Variants in ITPR1 observed in about 807,000 individuals in gnomAD.
ITPR1 encodes inositol 1,4,5-trisphosphate receptor type 1.
A neutral mutation model predicts 318.4 loss-of-function variants in ITPR1; 96 were observed. That is an observed-to-expected ratio of 0.30 (90% confidence interval 0.26 to 0.36). The LOEUF (loss-of-function observed/expected upper bound fraction) is 0.36. Among genes scored for constraint, ITPR1 ranks in the 10% least tolerant of loss-of-function variants. ITPR1 has a pLI of 1.00. For synonymous variants in ITPR1, 1,312 were observed against 1,289.9 expected (o/e 1.02, Z -0.37); for missense variants, 2,440 against 3,460.2 (o/e 0.71, Z 7.40).
chr3:4,732,944 T>G, intron 42 of ITPR1, 144 bp from the exon 43 acceptor site: 1 of 821,512 alleles, frequency 1.2e-6, no homozygotes, highest in Non-Finnish European at 2.0e-6. Flanking sequence ...CTTCAGAGTT[T>G]CTAAATGCTT....
In ITPR1 at chr3:4,642,164, C is replaced by T. The variant is rs61741506; in HGVS notation, c.438C>T (p.Ala146=). 2.0e-3 allele frequency: 3,193 copies of T among 1,608,226 alleles called. 53 individuals are homozygous for T. In the African/African-American group the frequency reaches 0.037, roughly 19 times the overall value. The change falls in exon 7 of 62, where the codon GCC becomes GCT. Residue 146 remains alanine (A), a synonymous_variant. Coordinates refer to ENST00000649015, the MANE Select transcript of ITPR1 (RefSeq NM_001378452.1). ...TTCCTGCTCTGTTGGAGAAGAATGC[C>T]ATGAGAGTCACATTGGACGAGGCTG... ...KRLPALLEKN[A]MRVTLDEAGN...
At chr3:4,569,885 A>G (rs1237292590) in intron 4 of ITPR1, among the ~76,000 whole-genome samples, 2 of 152,240 alleles carry the variant, frequency 1.3e-5, no homozygotes, top group African/African-American at 4.8e-5. Context: ...TTGAATGGCT[A>G]TTAAAGACCT....
intron 19 of ITPR1, 114 bp from the exon 20 acceptor site, chr3:4,670,615 G>A (rs1019482575): frequency 1.0e-5 from 8 of 767,576 alleles, no homozygotes; most frequent in South Asian, 1.6e-5. Flanking sequence ...CTCTGCCCTT[G>A]GGGGAAATAC....
intron 4 of ITPR1, among the ~76,000 whole-genome samples, chr3:4,561,423 A>G (rs1042629687): frequency 6.6e-6 from 1 of 152,180 alleles, no homozygotes. Context: ...CCAGCTTTCC[A>G]GCTTTTTTCT....
chr3:4,733,379 G>A (rs949760777), intron 43 of ITPR1, among the ~76,000 whole-genome samples, 159 bp downstream of exon 43: 2 of 152,098 alleles, frequency 1.3e-5, no homozygotes, highest in Non-Finnish European at 2.9e-5. Flanking sequence ...CCATCAAATT[G>A]ATGCCTAAAC....
intron 12 of ITPR1, among the ~76,000 whole-genome samples, chr3:4,655,262 A>T (rs890686807): frequency 6.6e-6 from 1 of 152,050 alleles, no homozygotes; most frequent in Non-Finnish European, 1.5e-5. Flanking sequence ...ACATGGAGGA[A>T]ATCTTACCTC....
chr3:4,804,347 G>A (rs564384560), intron 54 of ITPR1, among the ~76,000 whole-genome samples: 3 of 152,300 alleles, frequency 2.0e-5, no homozygotes, highest in South Asian at 4.1e-4. Context: ...GACTTGTCAC[G>A]CCGCAGGGAG....
At chr3:4,739,557 G>A (rs867286792) in intron 44 of ITPR1, among the ~76,000 whole-genome samples, 3 of 152,202 alleles carry the variant, frequency 2.0e-5, no homozygotes. Flanking sequence ...GTGGCTCAAG[G>A]AAACAGAAAC....
At chr3:4,517,306 G>A (rs371992409) in intron 3 of ITPR1, among the ~76,000 whole-genome samples, 1 of 152,178 alleles carries the variant, frequency 6.6e-6, no homozygotes, top group Non-Finnish European at 1.5e-5. Flanking sequence ...AAATAGTTAC[G>A]AATGGTCTAT....
In ITPR1 at chr3:4,710,539, T is replaced by C; in HGVS notation, c.4991+66T>C. 6.7e-7 allele frequency: 1 copy of C among 1,482,976 alleles called. No homozygotes were observed. The highest frequency in any genetic ancestry group is 9.1e-7 in the Non-Finnish European group (1 of 1,094,414). The allele number at this position is 1,482,976 out of a possible 1,614,324, so 91.9% of individuals were successfully genotyped here. ...CTTGATGACCTCACAAAGCTTTTGT[T>C]CCCGAAGAAGGAGACGTTGTCCTGT... On this transcript the variant is annotated intron_variant, in intron 38 of 61. Coordinates refer to ENST00000649015, the MANE Select transcript of ITPR1 (RefSeq NM_001378452.1). The surrounding 1 kb of genome is among the most constrained non-coding windows in gnomAD (Gnocchi z 4.2).
At chr3:4,685,277 A>G in intron 30 of ITPR1, 71 bp downstream of exon 30, 2 of 1,425,728 alleles carry the variant, frequency 1.4e-6, no homozygotes, top group Non-Finnish European at 1.9e-6. Context: ...CAAACTCTTC[A>G]CATCTGGATA....
At chr3:4,790,337 C>T (rs1225187216) in intron 52 of ITPR1, among the ~76,000 whole-genome samples, 1 of 152,210 alleles carries the variant, frequency 6.6e-6, no homozygotes, top group Non-Finnish European at 1.5e-5. Context: ...AATTGATGGA[C>T]TGTAGCATGG....
intron 56 of ITPR1, among the ~76,000 whole-genome samples, chr3:4,812,275 C>T (rs547370854): frequency 1.3e-5 from 2 of 152,160 alleles, no homozygotes; most frequent in East Asian, 1.9e-4. Context: ...TGGGCTCAGG[C>T]GATCCCCCAG....
In ITPR1 at chr3:4,725,593, G is replaced by A. The variant is rs542749472; in HGVS notation, c.5172+12G>A. 5.0e-6 allele frequency: 8 copies of A among 1,597,586 alleles called. No homozygotes were observed. Among genetic ancestry groups the A allele is most frequent in the East Asian group, 2.2e-5 (1 of 44,864 alleles). On this transcript the variant is annotated intron_variant, in intron 41 of 61. Transcript: ENST00000649015. ...AGAACGCCACTGAGGTGTGTTGCCC[G>A]CCTATATTTGTAGCGCCAGCGCCAG...
At chr3:4,654,381 A>G (rs1373292780) in intron 12 of ITPR1, among the ~76,000 whole-genome samples, 2 of 152,198 alleles carry the variant, frequency 1.3e-5, no homozygotes, top group Non-Finnish European at 1.5e-5. Flanking sequence ...TGATTTCTGC[A>G]AGGTCAGAAA....
chr3:4,698,462 T>C (rs1423960740), intron 34 of ITPR1, among the ~76,000 whole-genome samples: 1 of 152,146 alleles, frequency 6.6e-6, no homozygotes, highest in Non-Finnish European at 1.5e-5. Flanking sequence ...GCCTGCTTTA[T>C]TTGTTTAAAT....
chr3:4,735,282 C>T lies in ITPR1; in HGVS notation c.5472C>T (p.Ser1824=), dbSNP rs2043193043. The T allele has an allele frequency of 2.5e-6, 4 of 1,613,834 alleles. No individual in the cohort carries two copies. The highest frequency in any genetic ancestry group is 1.7e-5 in the Admixed American group (1 of 60,010). ...TTATCGACCTCATCATGAACGCATC[C>T]AGTGACCGAGTGTTCCATGAAAGCA... is the stretch of plus-strand genomic sequence containing the variant. ...NLVIDLIMNA[S]SDRVFHESIL... The change falls in exon 44 of 62, where the codon TCC becomes TCT. Residue 1824 remains serine, a synonymous_variant. Coordinates refer to ENST00000649015, the MANE Select transcript of ITPR1 (RefSeq NM_001378452.1).
intron 12 of ITPR1, among the ~76,000 whole-genome samples, chr3:4,657,502 C>G (rs1021759487): frequency 6.8e-6 from 1 of 147,174 alleles, no homozygotes; most frequent in Non-Finnish European, 1.5e-5. Context: ...GAGTCTCACT[C>G]TGTCGTCTAG....
intron 2 of ITPR1, among the ~76,000 whole-genome samples, chr3:4,495,981 A>G (rs2080530659): frequency 6.6e-6 from 1 of 152,234 alleles, no homozygotes; most frequent in Non-Finnish European, 1.5e-5. Flanking sequence ...AAACATAGGG[A>G]TAAAAGAGTG....
Sources: allele counts gnomAD v4.1 joint callset (sites outside exome capture counted in the v4.1 genomes callset), GRCh38; gene constraint gnomAD v4.1.1; non-coding constraint Gnocchi (gnomAD v3.1); transcripts MANE v1.5; gene names NCBI Gene and HGNC (gene_info 2026-07-23, HGNC 2026-07-21).